The following COL24A1 variants were observed in gnomAD, a reference collection of about 807,000 sequenced individuals.
The protein encoded by COL24A1 is collagen alpha-1(XXIV) chain.
A neutral mutation model predicts 253.9 loss-of-function variants in COL24A1; 224 were observed. The ratio of observed to expected loss-of-function variants is 0.88; its 90% CI spans 0.79 to 0.99. The LOEUF (loss-of-function observed/expected upper bound fraction) is 0.99, where lower values mean the gene tolerates loss of function less well. COL24A1 is among the 50% of genes least tolerant of loss of function. The pLI, the probability that COL24A1 is intolerant of heterozygous loss-of-function variation, is 0.00. For missense variants in COL24A1, 2,131 were observed against 2,068.5 expected, an observed-to-expected ratio of 1.03 and a Z score of -0.59; for synonymous variants, 685 against 673.7, an observed-to-expected ratio of 1.02 and a Z score of -0.26.
chr1:85,948,728 T>A (rs1347038512), intron 24 of COL24A1, among the ~76,000 whole-genome samples: 1 of 151,622 alleles, frequency 6.6e-6, no homozygotes, highest in Non-Finnish European at 1.5e-5. Context: ...ATGAGGCCAG[T>A]ATCATCCTGA....
chr1:86,011,780 G>A (rs995198011), intron 19 of COL24A1, among the ~76,000 whole-genome samples: 1 of 152,296 alleles, frequency 6.6e-6, no homozygotes, highest in South Asian at 2.1e-4. Context: ...TCCATGCAGA[G>A]AACAAGGAGA....
Position 86,141,744 on chromosome 1 carries a change from A to G in COL24A1, c.121+4375T>C, listed in dbSNP as rs764446534. ...GAGACAGAGTCTCACTCTGTCAGCCAGGCTGGAGTGCACTGGCACGATCTC... is the reference window on the plus strand; with the variant it reads ...GAGACAGAGTCTCACTCTGTCAGCCGGGCTGGAGTGCACTGGCACGATCTC... On this transcript the variant is annotated intron_variant, in intron 2 of 59. Transcript: ENST00000370571. Among the ~76,000 whole-genome samples the G allele has an allele frequency of 7.6e-4, 113 of 149,542 alleles. 1 individual carries two copies. Among genetic ancestry groups the G allele is most frequent in the Non-Finnish European group, 7.1e-4 (48 of 67,624 alleles).
chr1:86,086,441 G>C (rs1223317753), intron 7 of COL24A1, among the ~76,000 whole-genome samples: 1 of 152,060 alleles, frequency 6.6e-6, no homozygotes, highest in Non-Finnish European at 1.5e-5. Context: ...TCTCAGCCTA[G>C]GCTACTGAGA....
rs767539321 is a variant in COL24A1, at chr1:86,022,881, CA to C, written c.2104-5del. On this transcript the variant is annotated splice_polypyrimidine_tract_variant and splice_region_variant and intron_variant, in intron 15 of 59. Coordinates refer to ENST00000370571, the MANE Select transcript of COL24A1 (RefSeq NM_152890.7). ...GTCCTTTATTCCCTGAAAGGCCCTACAAAAAAAGGTGACATTTTGTGATATC... is the reference window on the plus strand; with the variant it reads ...GTCCTTTATTCCCTGAAAGGCCCTACAAAAAAGGTGACATTTTGTGATATC... 8 of 1,606,638 alleles carry C rather than the reference CA, an allele frequency of 5.0e-6. No homozygotes were observed. The highest frequency in any genetic ancestry group is 1.1e-5 in the South Asian group (1 of 89,470).
chr1:85,823,804 T>C, intron 43 of COL24A1, 66 bp from the exon 44 acceptor site: 2 of 1,399,160 alleles, frequency 1.4e-6, no homozygotes, highest in South Asian at 2.4e-5. Flanking sequence ...AATAGGATAC[T>C]ATCACTTAAA....
At chr1:85,874,531 T>C in intron 35 of COL24A1, 118 bp downstream of exon 35, 1 of 869,680 alleles carries the variant, frequency 1.1e-6, no homozygotes, top group South Asian at 1.9e-5. Context: ...AACCAAACAT[T>C]TTCTATAATG....
Position 85,907,235 on chromosome 1 carries a change from C to T in COL24A1, c.2737G>A (p.Ala913Thr). ...CCTTGACTCCCAGGTGGTCCTCTTGCCCCCACATGACCCTATATGTTGTAA... is the reference window on the plus strand; with the variant it reads ...CCTTGACTCCCAGGTGGTCCTCTTGTCCCCACATGACCCTATATGTTGTAA... ...GPLGLPGHVG[A>T]RGPPGSQGPK... is the part of the protein sequence containing the mutation. Residue 913 changes from alanine (A) to threonine (T), a missense_variant, in exon 28 of 60, where the codon GCA becomes ACA. Ala to Thr is a moderately conservative substitution (Grantham distance 58, BLOSUM62 0). Coordinates refer to ENST00000370571, the MANE Select transcript of COL24A1 (RefSeq NM_152890.7). 6.2e-7 allele frequency: 1 copy of T among 1,610,884 alleles called. No individual in the cohort carries two copies. Among genetic ancestry groups the T allele is most frequent in the Non-Finnish European group, 8.5e-7 (1 of 1,177,774 alleles).
At chr1:85,765,559 T>TTAAATAAA (rs5775868) in intron 53 of COL24A1, among the ~76,000 whole-genome samples, 3 of 143,010 alleles carry the variant, frequency 2.1e-5, no homozygotes, top group African/African-American at 7.8e-5. Context: ...AAAAAAATCA[T>TTAAATAAA]TAAATAAATA....
At chr1:85,768,938 A>G (rs1667666357) in intron 53 of COL24A1, among the ~76,000 whole-genome samples, 1 of 152,124 alleles carries the variant, frequency 6.6e-6, no homozygotes, top group Non-Finnish European at 1.5e-5. Context: ...ACTAGGTGGT[A>G]TCTAATATAT....
At chr1:85,900,526 C>G (rs1684178028) in intron 28 of COL24A1, among the ~76,000 whole-genome samples, 1 of 152,066 alleles carries the variant, frequency 6.6e-6, no homozygotes. Flanking sequence ...GTAGAACCAG[C>G]TACTTGGGAG....
intron 47 of COL24A1, among the ~76,000 whole-genome samples, chr1:85,804,546 T>TG (rs1671767008): frequency 6.6e-6 from 1 of 152,152 alleles, no homozygotes; most frequent in Non-Finnish European, 1.5e-5. Context: ...TCCACATGGC[T>TG]GGGGAGGCCT....
intron 42 of COL24A1, 103 bp downstream of exon 42, chr1:85,841,115 AAACT>A (rs1405634872): frequency 1.3e-6 from 1 of 799,658 alleles, no homozygotes; most frequent in Admixed American, 3.1e-5. Context: ...CCATGTTATA[AAACT>A]AACAAAAGAA....
chr1:86,113,892 CTT>C (rs1468316032), intron 4 of COL24A1, among the ~76,000 whole-genome samples: 9 of 139,384 alleles, frequency 6.5e-5, no homozygotes, highest in African/African-American at 2.4e-4. Flanking sequence ...GATGTTATGA[CTT>C]ATGTCATTGG....
At chr1:85,969,568 G>GCA (rs1279395425) in intron 22 of COL24A1, among the ~76,000 whole-genome samples, 1 of 116,038 alleles carries the variant, frequency 8.6e-6, no homozygotes, top group Non-Finnish European at 1.6e-5. Flanking sequence ...TCACGCCACT[G>GCA]CACTCCAGCC....
chr1:85,754,437 A>T (rs1665966970), intron 55 of COL24A1, among the ~76,000 whole-genome samples: 1 of 99,228 alleles, frequency 1.0e-5, no homozygotes, highest in South Asian at 4.6e-4. Context: ...ACCTAATGCT[A>T]GATGACACGT....
intron 5 of COL24A1, among the ~76,000 whole-genome samples, chr1:86,110,771 C>T (rs11581522): frequency 0.54 from 82,559 of 151,838 alleles, 22,928 homozygotes; most frequent in Non-Finnish European, 0.62. Context: ...GCCTCAACCG[C>T]CTGCCCGCAG....
intron 10 of COL24A1, among the ~76,000 whole-genome samples, chr1:86,053,130 T>C (rs1365263167): frequency 6.6e-6 from 1 of 152,102 alleles, no homozygotes; most frequent in Non-Finnish European, 1.5e-5. Context: ...TACTAGAGCA[T>C]TTAGGATTAT....
intron 31 of COL24A1, among the ~76,000 whole-genome samples, chr1:85,895,207 T>G (rs574385267): frequency 6.6e-6 from 1 of 152,254 alleles, no homozygotes; most frequent in African/African-American, 2.4e-5. Flanking sequence ...ACCATAGAAC[T>G]TGTTGCCTCT....
rs778596632 is a variant in COL24A1 at position 86,126,242 on chromosome 1, AG to A, written c.122-29del. ...GGAAATTTAAAAAAGAGAGAGAGAA[AG>A]AATCTTAATTTTATGGATTCAAGTG... On this transcript the variant is annotated intron_variant, in intron 2 of 59. Transcript: ENST00000370571. The A allele has an allele frequency of 1.2e-5, 18 of 1,543,220 alleles. No individual in the cohort carries two copies. The African/African-American group carries it at 1.8e-4, about 15-fold the overall frequency.
Sources: allele counts gnomAD v4.1 joint callset (sites outside exome capture counted in the v4.1 genomes callset), GRCh38; gene constraint gnomAD v4.1.1; transcripts MANE v1.5; gene names NCBI Gene and HGNC (gene_info 2026-07-23, HGNC 2026-07-21).